Variants in ITGBL1 observed in about 807,000 individuals in gnomAD.
The protein encoded by ITGBL1 is integrin subunit beta like 1.
Under a neutral mutation model 68.5 loss-of-function variants are expected in ITGBL1, and 51 were observed. The ratio of observed to expected loss-of-function variants is 0.74; its 90% CI spans 0.59 to 0.94. The LOEUF is 0.94. Ranked by LOEUF, ITGBL1 falls within the 40% of genes least tolerant of loss-of-function variation. ITGBL1 has a pLI of 0.00. For missense variants in ITGBL1, 649 were observed against 647.4 expected, an observed-to-expected ratio of 1.00 and a Z score of -0.03; for synonymous variants, 209 against 227.3, an observed-to-expected ratio of 0.92 and a Z score of 0.72.
chr13:101,540,339 G>A (rs139742737), intron 2 of ITGBL1, among the ~76,000 whole-genome samples: 2,144 of 152,162 alleles, frequency 0.014, 48 homozygotes, highest in African/African-American at 0.048. Context: ...TTTTTGTCAG[G>A]TATGTCAAAG....
At chr13:101,617,066 T>C (rs959175049) in intron 7 of ITGBL1, among the ~76,000 whole-genome samples, 1 of 152,210 alleles carries the variant, frequency 6.6e-6, no homozygotes, top group Non-Finnish European at 1.5e-5. Flanking sequence ...GGCAGTGATT[T>C]AGACATCTCT....
At chr13:101,640,915 A>C (rs1462797820) in intron 7 of ITGBL1, among the ~76,000 whole-genome samples, 2 of 152,198 alleles carry the variant, frequency 1.3e-5, no homozygotes, top group Non-Finnish European at 2.9e-5. Flanking sequence ...TGTCCTAATA[A>C]ATAGCTGATG....
At chr13:101,688,970 G>C (rs990073491) in intron 7 of ITGBL1, among the ~76,000 whole-genome samples, 1 of 151,882 alleles carries the variant, frequency 6.6e-6, no homozygotes, top group African/African-American at 2.4e-5. Flanking sequence ...AGGCCAAGGC[G>C]GGTGGATTGC....
chr13:101,692,688 T>C lies in ITGBL1; in HGVS notation c.1119T>C (p.Gly373=). 1 of 1,610,114 alleles carries C rather than the reference T, an allele frequency of 6.2e-7. No homozygotes were observed. Among genetic ancestry groups the C allele is most frequent in the Non-Finnish European group, 8.5e-7 (1 of 1,176,472 alleles). Reference sequence around the variant, plus strand: ...ATCGCCGCTGTGAAGACCTCGATGGTGTGGTCTGTGGAGGTAGTAACCTTT... The same window carrying C: ...ATCGCCGCTGTGAAGACCTCGATGGCGTGGTCTGTGGAGGTAGTAACCTTT... ...CDDRRCEDLD[G]VVCGGHGTCS... The change falls in exon 8 of 11, where the codon GGT becomes GGC. Residue 373 remains glycine, a synonymous_variant. Transcript: ENST00000376180.
At chr13:101,541,980 A>G (rs1049810396) in intron 2 of ITGBL1, among the ~76,000 whole-genome samples, 2 of 151,886 alleles carry the variant, frequency 1.3e-5, no homozygotes, top group African/African-American at 4.8e-5. Context: ...CAGTCTATCA[A>G]TTTTGTTGAT....
At chr13:101,623,273 A>G (rs1158415352) in intron 7 of ITGBL1, among the ~76,000 whole-genome samples, 1 of 152,140 alleles carries the variant, frequency 6.6e-6, no homozygotes, top group East Asian at 1.9e-4. Flanking sequence ...TGTTAACTAT[A>G]TAATCAACAA....
intron 8 of ITGBL1, among the ~76,000 whole-genome samples, chr13:101,700,423 T>G (rs2034109034): frequency 6.6e-6 from 1 of 152,198 alleles, no homozygotes; most frequent in Non-Finnish European, 1.5e-5. Flanking sequence ...CTGCCACCAC[T>G]GTCCTTTAAG....
At chr13:101,667,914 C>A (rs2082933) in intron 7 of ITGBL1, among the ~76,000 whole-genome samples, 90,801 of 148,072 alleles carry the variant, frequency 0.61, 27,899 homozygotes, top group East Asian at 0.88. Context: ...AAAAAAAAAA[C>A]CCCAAATGCC....
At chr13:101,632,935 A>G (rs115253198) in intron 7 of ITGBL1, among the ~76,000 whole-genome samples, 81 of 152,314 alleles carry the variant, frequency 5.3e-4, no homozygotes, top group African/African-American at 1.8e-3. Flanking sequence ...GAGGTTCTCA[A>G]ACCTTAATGT....
chr13:101,637,831 A>G (rs2032227421), intron 7 of ITGBL1, among the ~76,000 whole-genome samples: 1 of 152,114 alleles, frequency 6.6e-6, no homozygotes. Context: ...GCTAACATTC[A>G]ATCTTAGAGG....
intron 2 of ITGBL1, among the ~76,000 whole-genome samples, chr13:101,506,665 A>ATTTT (rs2049031707): frequency 6.6e-6 from 1 of 152,210 alleles, no homozygotes; most frequent in Admixed American, 6.5e-5. Context: ...TTGAGGAAAC[A>ATTTT]TAAAAGGTGT....
intron 2 of ITGBL1, among the ~76,000 whole-genome samples, chr13:101,490,774 C>T (rs1020454261): frequency 2.0e-5 from 3 of 152,216 alleles, no homozygotes; most frequent in Non-Finnish European, 4.4e-5. Context: ...CTCTGTTTAT[C>T]TTCCTGCTCA....
At chr13:101,583,162 T>G in intron 5 of ITGBL1, 54 bp from the exon 6 acceptor site, 1 of 1,550,266 alleles carries the variant, frequency 6.5e-7, no homozygotes, top group Non-Finnish European at 8.9e-7. Context: ...GTGAAATGCT[T>G]TCTTTCATGG....
chr13:101,664,674 G>C (rs2033170420), intron 7 of ITGBL1, among the ~76,000 whole-genome samples: 1 of 152,026 alleles, frequency 6.6e-6, no homozygotes, highest in Non-Finnish European at 1.5e-5. Flanking sequence ...TGTTTGTGGT[G>C]TTTCTATTCT....
At chr13:101,602,528 A>G (rs1272505028) in intron 7 of ITGBL1, among the ~76,000 whole-genome samples, 1 of 152,048 alleles carries the variant, frequency 6.6e-6, no homozygotes, top group Non-Finnish European at 1.5e-5. Context: ...TGAACATTAG[A>G]TCAGAAATTT....
intron 7 of ITGBL1, among the ~76,000 whole-genome samples, chr13:101,607,623 AT>A (rs2030932262): frequency 2.0e-5 from 3 of 152,034 alleles, no homozygotes; most frequent in African/African-American, 4.8e-5. Flanking sequence ...ATGAAAAAAA[AT>A]AAGTTAAATA....
At chr13:101,659,137 G>A (rs1247539555) in intron 7 of ITGBL1, among the ~76,000 whole-genome samples, 2 of 141,808 alleles carry the variant, frequency 1.4e-5, no homozygotes, top group Non-Finnish European at 3.1e-5. Flanking sequence ...TCAGCTCACT[G>A]CAACCTCTGC....
At chr13:101,467,317 C>T (rs961915800) in intron 2 of ITGBL1, among the ~76,000 whole-genome samples, 1 of 152,124 alleles carries the variant, frequency 6.6e-6, no homozygotes, top group South Asian at 2.1e-4. Flanking sequence ...AGCTTCCAAA[C>T]CTGGTCTGAG....
rs191299938 is a variant in ITGBL1, at chr13:101,662,757, C to T, written c.1016-29828C>T. Among the ~76,000 whole-genome samples the T allele has an allele frequency of 3.6e-4, 54 of 151,968 alleles. No individual in the cohort carries two copies. In the East Asian group the frequency reaches 6.6e-3, roughly 18 times the overall value. On this transcript the variant is annotated intron_variant, in intron 7 of 10. Transcript: ENST00000376180. Reference sequence around the variant, plus strand: ...AGTTTTTCTCGGTAACTAAGTTTGTCCCTGAAAGTTTCTGGTCTCACTTAT... The same window carrying T: ...AGTTTTTCTCGGTAACTAAGTTTGTTCCTGAAAGTTTCTGGTCTCACTTAT...
Sources: allele counts gnomAD v4.1 joint callset (sites outside exome capture counted in the v4.1 genomes callset), GRCh38; gene constraint gnomAD v4.1.1; transcripts MANE v1.5; gene names NCBI Gene and HGNC (gene_info 2026-07-23, HGNC 2026-07-21).